TENM1: variants seen among roughly 807,000 people sequenced by gnomAD.
The protein encoded by TENM1 is teneurin transmembrane protein 1.
TENM1 carries 35 observed loss-of-function variants against 174.8 expected under a neutral mutation model. That is an observed-to-expected ratio of 0.20 (90% CI 0.15 to 0.27). The LOEUF (loss-of-function observed/expected upper bound fraction) is 0.27. Ranked by LOEUF, TENM1 falls within the 10% of genes least tolerant of loss-of-function variation. The pLI, the probability that TENM1 is intolerant of heterozygous loss-of-function variation, is 1.00. For missense variants in TENM1, 1,633 were observed against 2,130.1 expected (o/e 0.77, Z 4.59); for synonymous variants, 781 against 798.7 (o/e 0.98, Z 0.37).
chrX:124,995,399 T>C, the TENM1 span, among the ~76,000 whole-genome samples: 3 of 111,572 alleles, frequency 2.7e-5, no homozygotes, highest in Non-Finnish European at 5.7e-5. Context: ...CTTAGTTCAA[T>C]AAATATTAAT....
chrX:124,870,731 G>A (rs780866657), intron 3 of TENM1, among the ~76,000 whole-genome samples: 3 of 110,121 alleles, frequency 2.7e-5, no homozygotes, highest in Admixed American at 1.9e-4. Context: ...AGGAGGTGAG[G>A]TAACAAGGAG....
At chrX:124,714,285 G>A (rs2053129808) in intron 4 of TENM1, among the ~76,000 whole-genome samples, 1 of 112,008 alleles carries the variant, frequency 8.9e-6, no homozygotes, top group African/African-American at 3.2e-5. Flanking sequence ...TAAGCTACAT[G>A]AAAGTACAAA....
chrX:125,103,982 C>T, the TENM1 span, among the ~76,000 whole-genome samples: 16 of 110,636 alleles, frequency 1.4e-4, no homozygotes, highest in African/African-American at 5.3e-4. Flanking sequence ...GACAGCGAAA[C>T]TCCATAAGAA....
At chrX:124,383,875 G>C in exon 30 of TENM1, 2 of 1,211,575 alleles carry the variant, frequency 1.7e-6, no homozygotes, top group Non-Finnish European at 2.2e-6. Context: ...TGTCATGATA[G>C]ATATCGCCAT....
the TENM1 span, among the ~76,000 whole-genome samples, chrX:125,081,221 T>C: frequency 2.7e-5 from 3 of 111,231 alleles, no homozygotes; most frequent in Non-Finnish European, 5.7e-5. Context: ...GGAGTGTGTG[T>C]TTGTCGGGCC....
At chrX:125,139,006 T>C in the TENM1 span, among the ~76,000 whole-genome samples, 1 of 110,408 alleles carries the variant, frequency 9.1e-6, no homozygotes, top group Non-Finnish European at 1.9e-5. Context: ...TTTGTTATCA[T>C]GGATGATAGT....
chrX:124,949,819 G>T (rs1014661083), intron 1 of TENM1, among the ~76,000 whole-genome samples: 3 of 111,880 alleles, frequency 2.7e-5, no homozygotes, highest in African/African-American at 9.7e-5. Context: ...AAACATAAAA[G>T]AAATGAGGTG....
At chrX:124,441,124 G>A (rs2060898992) in intron 23 of TENM1, among the ~76,000 whole-genome samples, 1 of 111,769 alleles carries the variant, frequency 8.9e-6, no homozygotes, top group African/African-American at 3.3e-5. Flanking sequence ...ACTTTTTATT[G>A]GTGGAGAAAC....
chrX:124,390,323 C>T (rs962558018), intron 28 of TENM1, among the ~76,000 whole-genome samples: 3 of 112,347 alleles, frequency 2.7e-5, no homozygotes, highest in Non-Finnish European at 3.8e-5. Context: ...TGTTATTGTG[C>T]AGATAGTCTA....
At chrX:124,674,292 C>G (rs1167016191) in intron 5 of TENM1, among the ~76,000 whole-genome samples, 1 of 68,040 alleles carries the variant, frequency 1.5e-5, no homozygotes, top group Non-Finnish European at 2.6e-5. Context: ...CAACCAAATC[C>G]TATCAAAAGG....
the TENM1 span, among the ~76,000 whole-genome samples, chrX:125,017,812 T>C: frequency 9.0e-6 from 1 of 110,651 alleles, no homozygotes. Flanking sequence ...AAGTGGAAAA[T>C]GAACAATGAG....
At chrX:125,138,489 C>A in the TENM1 span, among the ~76,000 whole-genome samples, 1 of 111,708 alleles carries the variant, frequency 9.0e-6, no homozygotes, top group South Asian at 3.7e-4. Flanking sequence ...TCTTGGGATT[C>A]ATTTCCACTT....
At chrX:125,005,827 G>A in the TENM1 span, among the ~76,000 whole-genome samples, 6 of 111,567 alleles carry the variant, frequency 5.4e-5, no homozygotes, top group African/African-American at 1.6e-4. Context: ...AAGTGACTGT[G>A]CCACCTACCC....
chrX:124,674,534 A>G (rs1407460345), intron 5 of TENM1, among the ~76,000 whole-genome samples: 1 of 110,870 alleles, frequency 9.0e-6, no homozygotes, highest in African/African-American at 3.3e-5. Context: ...TATCCTTAAA[A>G]CTTTTAAGCA....
intron 5 of TENM1, among the ~76,000 whole-genome samples, chrX:124,679,481 C>T (rs899200572): frequency 4.5e-5 from 5 of 111,802 alleles, no homozygotes; most frequent in African/African-American, 1.6e-4. Flanking sequence ...ACTTCAGTGG[C>T]CATGATGTGA....
intron 4 of TENM1, among the ~76,000 whole-genome samples, chrX:124,716,899 G>A (rs1569409840): frequency 9.0e-6 from 1 of 111,174 alleles, no homozygotes; most frequent in African/African-American, 3.3e-5. Flanking sequence ...TGGGAGAGAC[G>A]AGCCTATAAA....
chrX:124,661,912 G>A (rs943510180), intron 6 of TENM1, among the ~76,000 whole-genome samples: 4 of 110,656 alleles, frequency 3.6e-5, no homozygotes, highest in Admixed American at 9.6e-5. Context: ...ATGTCAGAGA[G>A]TAATAATAAT....
rs765018895 is a variant in TENM1 at position 124,641,788 on chromosome X, C to T, written c.2077+3G>A. ...AAGGAGAAGGAAATTAACTCCACTACACCTGTTGAGCAGTCAGATCCTGTC... is the reference window on the plus strand; with the variant it reads ...AAGGAGAAGGAAATTAACTCCACTATACCTGTTGAGCAGTCAGATCCTGTC... On this transcript the variant is annotated splice_donor_region_variant and intron_variant, in intron 11 of 31. Coordinates refer to ENST00000422452, the Ensembl canonical transcript of TENM1. The T allele has an allele frequency of 1.3e-5, 16 of 1,208,339 alleles. No individual in the cohort carries two copies. In the South Asian group the frequency reaches 2.5e-4, roughly 19 times the overall value.
intron 11 of TENM1, among the ~76,000 whole-genome samples, chrX:124,594,936 C>T (rs1263787929): frequency 3.6e-5 from 4 of 111,992 alleles, no homozygotes; most frequent in East Asian, 2.8e-4. Flanking sequence ...AGTTCTCACA[C>T]GTTATAACCT....
Sources: allele counts gnomAD v4.1 joint callset (sites outside exome capture counted in the v4.1 genomes callset), GRCh38; gene constraint gnomAD v4.1.1; transcripts MANE v1.5; gene names NCBI Gene and HGNC (gene_info 2026-07-23, HGNC 2026-07-21).